MGAT4A: variants seen among roughly 807,000 people sequenced by gnomAD.
MGAT4A encodes the protein alpha-1,3-mannosyl-glycoprotein 4-beta-N-acetylglucosaminyltransferase A, also known as N-acetylglucosaminyltransferase IVa.
A neutral mutation model predicts 74.1 loss-of-function variants in MGAT4A; 33 were observed. The observed-to-expected ratio is 0.45, with a 90% CI of 0.34 to 0.60. The LOEUF (loss-of-function observed/expected upper bound fraction) is 0.60. Ranked by LOEUF, MGAT4A falls within the 20% of genes least tolerant of loss-of-function variation. MGAT4A has a pLI of 0.02. For missense variants in MGAT4A, 479 were observed against 628.3 expected (o/e 0.76, Z 2.54); for synonymous variants, 198 against 210.4 (o/e 0.94, Z 0.51).
chr2:98,657,110 A>G (rs2104261885), intron 6 of MGAT4A, among the ~76,000 whole-genome samples: 1 of 152,346 alleles, frequency 6.6e-6, no homozygotes, highest in East Asian at 1.9e-4. Flanking sequence ...TATCTGGCCC[A>G]AAATGTCCAT....
chr2:98,639,342 CAT>C (rs1575244625), intron 12 of MGAT4A, among the ~76,000 whole-genome samples: 1 of 150,994 alleles, frequency 6.6e-6, no homozygotes, highest in South Asian at 2.1e-4. Flanking sequence ...TGCTCAAAAA[CAT>C]AAAATGGCTG....
intron 2 of MGAT4A, among the ~76,000 whole-genome samples, chr2:98,716,687 G>A (rs1702596194): frequency 6.6e-6 from 1 of 152,186 alleles, no homozygotes; most frequent in African/African-American, 2.4e-5. Flanking sequence ...ATGCATTAGA[G>A]TTGTCCCTTG....
chr2:98,642,046 C>T (rs1312108179), intron 10 of MGAT4A, among the ~76,000 whole-genome samples: 6 of 151,266 alleles, frequency 4.0e-5, no homozygotes, highest in Admixed American at 6.6e-5. Flanking sequence ...TAATAATATA[C>T]TGGGTGCTAA....
At chr2:98,710,091 T>C (rs192970666) in intron 2 of MGAT4A, among the ~76,000 whole-genome samples, 5 of 152,250 alleles carry the variant, frequency 3.3e-5, no homozygotes, top group Admixed American at 6.5e-5. Flanking sequence ...CTTTTGTCCA[T>C]CACTAACCCT....
Position 98,706,640 on chromosome 2 carries a change from T to A in MGAT4A, c.94+19599A>T, listed in dbSNP as rs867293889. Among the ~76,000 whole-genome samples, 321 of 140,128 alleles carry A rather than the reference T, an allele frequency of 2.3e-3. 3 individuals carry two copies. The highest frequency in any genetic ancestry group is 7.5e-3 in the African/African-American group (284 of 38,060). 91.9% of individuals were successfully genotyped at this position (140,128 alleles called of 152,430 possible). ...CACTGTGCCCGGCCTGATGTGAATTTAAAAAAAAAAAAAAGCTGTAGAATA... is the reference window on the plus strand; with the variant it reads ...CACTGTGCCCGGCCTGATGTGAATTAAAAAAAAAAAAAAAGCTGTAGAATA... On this transcript the variant is annotated intron_variant, in intron 2 of 15. Coordinates refer to ENST00000393487, the MANE Select transcript of MGAT4A (RefSeq NM_012214.3).
Position 98,625,431 on chromosome 2 carries a change from G to C in MGAT4A, c.*135C>G. The C allele has an allele frequency of 1.4e-6, 2 of 1,480,230 alleles. No individual in the cohort carries two copies. Among genetic ancestry groups the C allele is most frequent in the Non-Finnish European group, 1.8e-6 (2 of 1,118,562 alleles). The allele number at this position is 1,480,230 out of a possible 1,614,324, so 91.7% of individuals were successfully genotyped here. A position where few individuals can be genotyped will look rare whatever the true frequency, so the allele number is the denominator to read the frequency against. On this transcript the variant is annotated 3_prime_UTR_variant, in exon 16 of 16. Transcript: ENST00000393487. Reference sequence around the variant, plus strand: ...TTATTATGGGAGATTCACTTTCCAAGTGGAAATGACAATCGTCTTATCTAC... The same window carrying C: ...TTATTATGGGAGATTCACTTTCCAACTGGAAATGACAATCGTCTTATCTAC...
At chr2:98,657,027 C>T (rs574202626) in intron 6 of MGAT4A, among the ~76,000 whole-genome samples, 3 of 152,280 alleles carry the variant, frequency 2.0e-5, no homozygotes, top group Non-Finnish European at 4.4e-5. Context: ...GTACTACTGA[C>T]GCCTAGTGGG....
chr2:98,703,079 G>C (rs906864752), intron 2 of MGAT4A, among the ~76,000 whole-genome samples: 3 of 152,312 alleles, frequency 2.0e-5, no homozygotes, highest in African/African-American at 7.2e-5. Flanking sequence ...CAGATGCTGG[G>C]TTTAGCAGAT....
At chr2:98,651,483 T>C (rs6542835) in intron 8 of MGAT4A, among the ~76,000 whole-genome samples, 83,283 of 152,044 alleles carry the variant, frequency 0.55, 25,331 homozygotes, top group African/African-American at 0.82. Context: ...TTATTTGTCA[T>C]TGAAGTAATA....
intron 3 of MGAT4A, among the ~76,000 whole-genome samples, chr2:98,677,917 C>T (rs1351971659): frequency 2.7e-5 from 4 of 146,020 alleles, no homozygotes; most frequent in African/African-American, 1.0e-4. Context: ...AAAAAAAATT[C>T]CACATGCCCC....
intron 2 of MGAT4A, among the ~76,000 whole-genome samples, chr2:98,695,878 CT>C (rs554678618): frequency 0.23 from 30,315 of 130,170 alleles, 3,160 homozygotes; most frequent in Non-Finnish European, 0.31. Context: ...CACAGAACTT[CT>C]TTTTTTTTTT....
intron 8 of MGAT4A, 100 bp from the exon 9 acceptor site, chr2:98,645,642 A>T: frequency 1.2e-6 from 1 of 861,754 alleles, no homozygotes; most frequent in Non-Finnish European, 1.6e-6. Flanking sequence ...TTATCATGAA[A>T]ATGAAGAAGA....
chr2:98,728,298 T>C (rs1337393132), intron 1 of MGAT4A, among the ~76,000 whole-genome samples: 1 of 152,202 alleles, frequency 6.6e-6, no homozygotes, highest in Non-Finnish European at 1.5e-5. Flanking sequence ...CATAATATTC[T>C]AGAAGCACCT....
chr2:98,717,209 A>T (rs928181983), intron 2 of MGAT4A, among the ~76,000 whole-genome samples: 1 of 152,056 alleles, frequency 6.6e-6, no homozygotes, highest in African/African-American at 2.4e-5. Context: ...GTGAAACCCC[A>T]TCTCTACTAA....
At chr2:98,712,152 C>A (rs1317999513) in intron 2 of MGAT4A, among the ~76,000 whole-genome samples, 2 of 152,194 alleles carry the variant, frequency 1.3e-5, no homozygotes, top group African/African-American at 4.8e-5. Flanking sequence ...CACGTGCCCA[C>A]TCCTTGGTTC....
intron 2 of MGAT4A, among the ~76,000 whole-genome samples, chr2:98,724,927 TGGCCGGGCATGATG>T (rs1303825859): frequency 2.0e-5 from 3 of 152,224 alleles, no homozygotes; most frequent in African/African-American, 7.2e-5. Flanking sequence ...ACTTCTTGAT[TGGCCGGGCATGATG>T]GCCTGCGCCT....
chr2:98,671,597 G>A (rs1701911511), intron 4 of MGAT4A, among the ~76,000 whole-genome samples: 1 of 152,120 alleles, frequency 6.6e-6, no homozygotes, highest in Non-Finnish European at 1.5e-5. Context: ...GGACTTTTGT[G>A]GTGCTCTTTC....
chr2:98,626,025 T>C (rs766118502), intron 14 of MGAT4A, among the ~76,000 whole-genome samples, 190 bp from the exon 15 acceptor site: 1 of 152,176 alleles, frequency 6.6e-6, no homozygotes, highest in Non-Finnish European at 1.5e-5. Flanking sequence ...GAAGTGCATA[T>C]TTAAAAACTT....
chr2:98,645,456 A>T lies in MGAT4A; in HGVS notation c.861T>A (p.Ile287=). 5 of 1,586,288 alleles carry T rather than the reference A, an allele frequency of 3.2e-6. No individual in the cohort carries two copies. The highest frequency in any genetic ancestry group is 4.3e-6 in the Non-Finnish European group (5 of 1,173,472). The change falls in exon 9 of 16, where the codon ATT becomes ATA. Residue 287 remains isoleucine (I), a synonymous_variant. Transcript: ENST00000393487. ...TGAAGCCCAGCTGGGAAAACTCTAGAATCATCCATTCCTCAGAAGAAAGTT... is the reference window on the plus strand; with the variant it reads ...TGAAGCCCAGCTGGGAAAACTCTAGTATCATCCATTCCTCAGAAGAAAGTT... ...ALQLSSEEWM[I]LEFSQLGFIG... is the part of the protein sequence containing the mutation.
Sources: gnomAD v4.1 joint callset for allele counts (sites outside exome capture counted in the v4.1 genomes callset) on GRCh38, gnomAD v4.1.1 for gene constraint, MANE v1.5 for transcripts, NCBI Gene and HGNC (gene_info 2026-07-23, HGNC 2026-07-21) for gene names.